Variants in TRPV3 observed in about 807,000 individuals in gnomAD.
TRPV3 encodes the protein transient receptor potential cation channel subfamily V member 3, also known as VRL-3.
TRPV3 carries 88 observed loss-of-function variants against 87.1 expected under a neutral mutation model. The ratio of observed to expected loss-of-function variants is 1.01; its 90% CI spans 0.85 to 1.21. The LOEUF is 1.21. TRPV3 is among the 50% of genes most tolerant of loss of function. TRPV3 has a pLI of 0.00. For synonymous variants in TRPV3, 438 were observed against 423.3 expected, an observed-to-expected ratio of 1.03 and a Z score of -0.43; for missense variants, 1,054 against 1,030.1, an observed-to-expected ratio of 1.02 and a Z score of -0.32.
intron 4 of TRPV3, 82 bp from the exon 5 acceptor site, chr17:3,543,710 G>C: frequency 6.4e-7 from 1 of 1,567,140 alleles, no homozygotes; most frequent in South Asian, 1.2e-5. Context: ...AGCTGCCTAC[G>C]GGGCGCTGCA....
At position 3,528,100 on chromosome 17, in the gene TRPV3, C is replaced by T. The variant is rs763235764; in HGVS notation, c.1428G>A (p.Thr476=). Residue 476 remains threonine, a synonymous_variant, in exon 11 of 18, where the codon ACG becomes ACA. Transcript: ENST00000576742. The surrounding 1 kb of genome is among the most constrained non-coding windows in gnomAD (Gnocchi z 4.2). ...GGAGCTGCAGCCACCCCATCTTGTG[C>T]GTCAGGGCCAAGGGGTGCGGGATGG... ...EEAIPHPLAL[T]HKMGWLQLLG... The T allele has an allele frequency of 1.5e-5, 24 of 1,613,236 alleles. No individual in the cohort carries two copies. The highest frequency in any genetic ancestry group is 1.4e-4 in the South Asian group (13 of 91,036).
At chr17:3,523,773 AT>A (rs1159840080) in intron 13 of TRPV3, among the ~76,000 whole-genome samples, 2 of 151,952 alleles carry the variant, frequency 1.3e-5, no homozygotes, top group Non-Finnish European at 2.9e-5. Flanking sequence ...GCTATGTGGA[AT>A]TTACAATAAA....
At position 3,557,228 on chromosome 17, in the gene TRPV3, G is replaced by A. The variant is rs952251414; in HGVS notation, c.-3+448C>T. Among the ~76,000 whole-genome samples, 3 of 152,132 alleles carry A rather than the reference G, an allele frequency of 2.0e-5. No homozygotes were observed. The highest frequency in any genetic ancestry group is 6.5e-5 in the Admixed American group (1 of 15,280). On this transcript the variant is annotated intron_variant, in intron 1 of 17. Coordinates refer to ENST00000576742, the MANE Select transcript of TRPV3 (RefSeq NM_145068.4). The surrounding 1 kb of genome is among the most constrained non-coding windows in gnomAD (Gnocchi z 4.5). Reference sequence around the variant, plus strand: ...CCCGGGCGACAGACCAGGCCGCGGAGCCACAGCTGCTGACTCAGCACCTGT... The same window carrying A: ...CCCGGGCGACAGACCAGGCCGCGGAACCACAGCTGCTGACTCAGCACCTGT...
intron 6 of TRPV3, chr17:3,539,784 T>C (rs1352077095): frequency 6.6e-6 from 1 of 152,200 alleles, no homozygotes; most frequent in Non-Finnish European, 1.5e-5. Context: ...AATAAAAATG[T>C]CTTAATTGAA....
rs920852886 is a variant in TRPV3, at chr17:3,545,265, G to A, written c.126C>T (p.His42=). ...CAAACCCTTCTATCTCCAGGAAGAA[G>A]TGTGCACTGAGGGAACACGGAGGAA... ...AEITPTKKSA[H]FFLEIEGFEP... The change falls in exon 3 of 18, where the codon CAC becomes CAT. Residue 42 remains histidine (H), a synonymous_variant. Coordinates refer to ENST00000576742, the MANE Select transcript of TRPV3 (RefSeq NM_145068.4). The A allele has an allele frequency of 6.2e-7, 1 of 1,613,008 alleles. No homozygotes were observed. The highest frequency in any genetic ancestry group is 8.5e-7 in the Non-Finnish European group (1 of 1,179,118).
rs749639381 is a variant in TRPV3, at chr17:3,524,191, A to C, written c.1743+7T>G. On this transcript the variant is annotated splice_region_variant and intron_variant, in intron 13 of 17. Coordinates refer to ENST00000576742, the MANE Select transcript of TRPV3 (RefSeq NM_145068.4). ...GGGCCCTCCCGCCGGCGCAGCTCTCAACGCACCTTCTGGATCATGACGCTG... is the reference window on the plus strand; with the variant it reads ...GGGCCCTCCCGCCGGCGCAGCTCTCCACGCACCTTCTGGATCATGACGCTG... 2.5e-6 allele frequency: 4 copies of C among 1,613,664 alleles called. No homozygotes were observed. Among genetic ancestry groups the C allele is most frequent in the East Asian group, 2.2e-5 (1 of 44,860 alleles).
In TRPV3 at chr17:3,547,251, G is replaced by C. The variant is rs956429426; in HGVS notation, c.120-1980C>G. 1.8e-4 allele frequency among the ~76,000 whole-genome samples: 27 copies of C among 152,230 alleles called. 1 individual carries two copies. Among genetic ancestry groups the C allele is most frequent in the Non-Finnish European group, 2.9e-5 (2 of 68,038 alleles). On this transcript the variant is annotated intron_variant, in intron 2 of 17. Coordinates refer to ENST00000576742, the MANE Select transcript of TRPV3 (RefSeq NM_145068.4). Reference sequence around the variant, plus strand: ...GGGCCTTCCTGGCTCTTGAGGGAGAGGGAGATGGCTGGAGTTATACTTGCC... The same window carrying C: ...GGGCCTTCCTGGCTCTTGAGGGAGACGGAGATGGCTGGAGTTATACTTGCC...
At chr17:3,526,257 C>A (rs1451785057) in intron 12 of TRPV3, among the ~76,000 whole-genome samples, 2 of 152,148 alleles carry the variant, frequency 1.3e-5, no homozygotes, top group Non-Finnish European at 2.9e-5. Context: ...GTGGGCAGAT[C>A]ACTTGAGGTC....
intron 17 of TRPV3, chr17:3,514,263 G>C: frequency 4.1e-6 from 2 of 484,850 alleles, no homozygotes; most frequent in South Asian, 2.4e-5. Flanking sequence ...ATCTTTAGTA[G>C]AGACAAGGTG....
Position 3,513,709 on chromosome 17 carries a change from T to C in TRPV3, c.*208A>G. 20 of 486,716 alleles carry C rather than the reference T, an allele frequency of 4.1e-5. No homozygotes were observed. 30.1% of individuals were successfully genotyped at this position (486,716 alleles called of 1,614,324 possible). ...AGGTTTACACCAGCTGTTTGCCAAG[T>C]AACAAAATCCAGGATGTTTCCCACT... On this transcript the variant is annotated 3_prime_UTR_variant, in exon 18 of 18. Transcript: ENST00000576742.
intron 12 of TRPV3, among the ~76,000 whole-genome samples, chr17:3,525,994 A>G: frequency 6.6e-6 from 1 of 152,114 alleles, no homozygotes; most frequent in East Asian, 1.9e-4. Context: ...ACATGCAGAC[A>G]TCTGCATAAC....
chr17:3,531,940 C>T (rs2074352623), intron 8 of TRPV3, among the ~76,000 whole-genome samples: 1 of 152,170 alleles, frequency 6.6e-6, no homozygotes, highest in African/African-American at 2.4e-5. Context: ...TCAACAGTCA[C>T]CACCCCCCAG....
rs115995661 is a variant in TRPV3, at chr17:3,521,215, C to T, written c.1744-176G>A. On this transcript the variant is annotated intron_variant, in intron 13 of 17. Transcript: ENST00000576742. ...CTCCAAGGCTCAACACTGGATCCTG[C>T]CTCCTCCAGGAAGCCTTCTGTTTCT... is the stretch of plus-strand genomic sequence containing the variant. Among the ~76,000 whole-genome samples the T allele has an allele frequency of 4.9e-3, 742 of 150,034 alleles. 3 individuals carry two copies. The highest frequency in any genetic ancestry group is 0.017 in the African/African-American group (685 of 40,782).
Position 3,521,598 on chromosome 17 carries a change from T to C in TRPV3, c.1744-559A>G, listed in dbSNP as rs558673943. ...CTATGTGAGGTGATGGGTGTGTTAA[T>C]TGGAAATTGGAAATCATTTCACAAT... On this transcript the variant is annotated intron_variant, in intron 13 of 17. Coordinates refer to ENST00000576742, the MANE Select transcript of TRPV3 (RefSeq NM_145068.4). Among the ~76,000 whole-genome samples the C allele has an allele frequency of 9.2e-5, 14 of 152,292 alleles. 1 individual carries two copies. Among genetic ancestry groups the C allele is most frequent in the South Asian group, 8.3e-4 (4 of 4,824 alleles).
chr17:3,518,729 G>C lies in TRPV3; in HGVS notation c.1932C>G (p.Ile644Met). The change falls in exon 15 of 18, where the codon ATC (isoleucine) becomes ATG (methionine). Residue 644 changes from isoleucine to methionine, a missense_variant. Coordinates refer to ENST00000576742, the MANE Select transcript of TRPV3 (RefSeq NM_145068.4). This position sits in a 1 kb window ranked among gnomAD's most constrained non-coding sequence, Gnocchi z 4.3. ...KLTIGLGDLN[I>M]QQNSKYPILF... is the part of the protein sequence containing the mutation. ...GAATGGGATACTTGGAGTTCTGCTG[G>C]ATGTTCAGGTCACCCAGGCCTATGG... The C allele has an allele frequency of 6.2e-7, 1 of 1,613,642 alleles. No individual in the cohort carries two copies. Among genetic ancestry groups the C allele is most frequent in the African/African-American group, 1.3e-5 (1 of 75,044 alleles).
In TRPV3 at chr17:3,511,414, C is replaced by G. The variant is rs2074111945; in HGVS notation, c.*2503G>C. On this transcript the variant is annotated 3_prime_UTR_variant, in exon 18 of 18. Coordinates refer to ENST00000576742, the MANE Select transcript of TRPV3 (RefSeq NM_145068.4). ...AAGAATCAGGACACTCCAGCCTCCA[C>G]AGCTCTGATATGACCTTCCTGCATG... 6.6e-6 allele frequency: 1 copy of G among 152,252 alleles called. No homozygotes were observed. The highest frequency in any genetic ancestry group is 6.5e-5 in the Admixed American group (1 of 15,288). 9.4% of individuals were successfully genotyped at this position (152,252 alleles called of 1,614,324 possible).
At chr17:3,523,827 A>T (rs2074268658) in intron 13 of TRPV3, among the ~76,000 whole-genome samples, 1 of 152,110 alleles carries the variant, frequency 6.6e-6, no homozygotes. Context: ...TGTGATACAC[A>T]TCGTTTATAT....
chr17:3,529,905 G>T (rs1780098194), intron 9 of TRPV3, 122 bp downstream of exon 9: 2 of 1,107,690 alleles, frequency 1.8e-6, no homozygotes, highest in Admixed American at 5.2e-5. Flanking sequence ...GCAACAGAGT[G>T]GGGTATGCAG....
chr17:3,552,777 T>C (rs2074590964), intron 2 of TRPV3: 1 of 152,192 alleles, frequency 6.6e-6, no homozygotes, highest in Non-Finnish European at 1.5e-5. Flanking sequence ...TCTATCCTCA[T>C]TTTTTTCCGG....
Sources: gnomAD v4.1 joint callset for allele counts (sites outside exome capture counted in the v4.1 genomes callset) on GRCh38, gnomAD v4.1.1 for gene constraint, Gnocchi (gnomAD v3.1) non-coding constraint, MANE v1.5 for transcripts, NCBI Gene and HGNC (gene_info 2026-07-23, HGNC 2026-07-21) for gene names.